The following SEC63 variants were observed in gnomAD, a reference collection of about 807,000 sequenced individuals.
SEC63 encodes the protein translocation protein SEC63 homolog.
In SEC63, 56 loss-of-function variants were observed where a neutral mutation model predicts 116.2. The observed-to-expected ratio is 0.48, with a 90% CI of 0.39 to 0.60. The LOEUF (loss-of-function observed/expected upper bound fraction) is 0.60, where lower values mean the gene tolerates loss of function less well. SEC63 is among the 20% of genes least tolerant of loss of function. The pLI is 0.00. For synonymous variants in SEC63, 273 were observed against 294.6 expected, an observed-to-expected ratio of 0.93 and a Z score of 0.75; for missense variants, 668 against 900.0, an observed-to-expected ratio of 0.74 and a Z score of 3.30.
rs1268226819 is a variant in SEC63 at position 107,869,661 on chromosome 6, GT to G, written c.*2042del. The G allele has an allele frequency of 2.0e-5, 3 of 152,048 alleles. No homozygotes were observed. Among genetic ancestry groups the G allele is most frequent in the Non-Finnish European group, 2.9e-5 (2 of 68,018 alleles). 9.4% of individuals were successfully genotyped at this position (152,048 alleles called of 1,614,324 possible). On this transcript the variant is annotated 3_prime_UTR_variant, in exon 21 of 21. Coordinates refer to ENST00000369002, the MANE Select transcript of SEC63 (RefSeq NM_007214.5). ...TTTCACTACTGCCATATGGAAAGAGGTTACCTAAAGCACTCACTAGAGGAAA... is the reference window on the plus strand; with the variant it reads ...TTTCACTACTGCCATATGGAAAGAGGTACCTAAAGCACTCACTAGAGGAAA...
chr6:107,926,330 C>CTT (rs773560497), intron 2 of SEC63, among the ~76,000 whole-genome samples: 96 of 152,236 alleles, frequency 6.3e-4, no homozygotes, highest in Middle Eastern at 3.4e-3. Flanking sequence ...TTCTTATACC[C>CTT]TTTGTATGAC....
chr6:107,889,302 T>C (rs940743129), intron 16 of SEC63, among the ~76,000 whole-genome samples: 1 of 152,196 alleles, frequency 6.6e-6, no homozygotes, highest in South Asian at 2.1e-4. Flanking sequence ...ATTCGACTTC[T>C]TAATGATTTA....
At chr6:107,910,281 C>T (rs370345764) in intron 7 of SEC63, among the ~76,000 whole-genome samples, 13 of 151,988 alleles carry the variant, frequency 8.6e-5, no homozygotes, top group Non-Finnish European at 1.6e-4. Context: ...GCCTGGGCAA[C>T]GTGGCAAGAC....
chr6:107,899,893 GCAACC>G (rs1410922699), intron 13 of SEC63, among the ~76,000 whole-genome samples: 2 of 152,048 alleles, frequency 1.3e-5, no homozygotes, highest in East Asian at 3.9e-4. Context: ...GCCCCACAAG[GCAACC>G]CCAACTCCTC....
chr6:107,893,378 T>C lies in SEC63; in HGVS notation c.1674+104A>G, dbSNP rs940096848. 3 of 1,099,508 alleles carry C rather than the reference T, an allele frequency of 2.7e-6. No homozygotes were observed. In the African/African-American group the frequency reaches 4.7e-5, roughly 17 times the overall value. The allele number at this position is 1,099,508 out of a possible 1,614,324, so 68.1% of individuals were successfully genotyped here. Reference sequence around the variant, plus strand: ...AGGGAGCTTTCTAGGGTATCACGGGTGCATAAATTATGTAAAACTTTTGAA... The same window carrying C: ...AGGGAGCTTTCTAGGGTATCACGGGCGCATAAATTATGTAAAACTTTTGAA... On this transcript the variant is annotated intron_variant, in intron 16 of 20. Transcript: ENST00000369002.
At chr6:107,941,284 A>G (rs1163128715) in intron 1 of SEC63, among the ~76,000 whole-genome samples, 1 of 152,108 alleles carries the variant, frequency 6.6e-6, no homozygotes, top group Non-Finnish European at 1.5e-5. Context: ...AGACCTCATC[A>G]CTACAAAAAA....
intron 1 of SEC63, among the ~76,000 whole-genome samples, chr6:107,953,913 C>T (rs1384475905): frequency 3.3e-5 from 5 of 151,960 alleles, no homozygotes; most frequent in African/African-American, 1.2e-4. Flanking sequence ...TCAGCCGCCC[C>T]TACTGGGACG....
intron 4 of SEC63, among the ~76,000 whole-genome samples, chr6:107,915,696 G>A (rs1212251563): frequency 6.6e-6 from 1 of 152,026 alleles, no homozygotes; most frequent in Non-Finnish European, 1.5e-5. Flanking sequence ...AGAGAAAAAT[G>A]ATCTCAAATA....
intron 16 of SEC63, among the ~76,000 whole-genome samples, chr6:107,884,389 A>G (rs1173607978): frequency 1.3e-5 from 2 of 152,102 alleles, no homozygotes; most frequent in South Asian, 2.1e-4. Context: ...AAAAATTACC[A>G]ATATTAGGAA....
intron 4 of SEC63, among the ~76,000 whole-genome samples, chr6:107,915,364 A>G (rs1787375178): frequency 6.6e-6 from 1 of 152,166 alleles, no homozygotes; most frequent in Non-Finnish European, 1.5e-5. Context: ...CCAGATCATA[A>G]ATCTTGATCT....
At chr6:107,891,032 TG>T (rs1451749202) in intron 16 of SEC63, among the ~76,000 whole-genome samples, 1 of 152,226 alleles carries the variant, frequency 6.6e-6, no homozygotes, top group African/African-American at 2.4e-5. Flanking sequence ...TTGGTGAATC[TG>T]ACGGTTATGT....
Position 107,953,842 on chromosome 6 carries a change from T to TG in SEC63, c.124+4043dup, listed in dbSNP as rs1226345428. Reference sequence around the variant, plus strand: ...CCAGCCGCCCCGTCCGGGAGGGAGGTGGGGGGGTCAGCCCCCCGCCCGGCC... The same window carrying TG: ...CCAGCCGCCCCGTCCGGGAGGGAGGTGGGGGGGGTCAGCCCCCCGCCCGGCC... On this transcript the variant is annotated intron_variant, in intron 1 of 20. Coordinates refer to ENST00000369002, the MANE Select transcript of SEC63 (RefSeq NM_007214.5). Among the ~76,000 whole-genome samples the TG allele has an allele frequency of 2.5e-3, 298 of 118,768 alleles. 2 individuals carry two copies. The highest frequency in any genetic ancestry group is 1.0e-2 in the African/African-American group (273 of 27,406). 77.9% of individuals were successfully genotyped at this position (118,768 alleles called of 152,430 possible).
intron 18 of SEC63, 40 bp downstream of exon 18, chr6:107,881,109 T>C (rs756606612): frequency 7.3e-7 from 1 of 1,370,756 alleles, no homozygotes; most frequent in East Asian, 2.3e-5. Context: ...GAGGAGAAAG[T>C]GAATGGAATA....
rs1786066506 is a variant in SEC63, at chr6:107,869,193, CTAACT to C, written c.*2506_*2510del. On this transcript the variant is annotated 3_prime_UTR_variant, in exon 21 of 21. Coordinates refer to ENST00000369002, the MANE Select transcript of SEC63 (RefSeq NM_007214.5). ...CAGAGAACTTCACTCAATGTGCTCC[CTAACT>C]TAAAAAAAAAATTATGAAAAATGTT... The C allele has an allele frequency of 6.6e-6, 1 of 150,768 alleles. No homozygotes were observed. Among genetic ancestry groups the C allele is most frequent in the South Asian group, 2.1e-4 (1 of 4,802 alleles). The allele number at this position is 150,768 out of a possible 1,614,324, so 9.3% of individuals were successfully genotyped here.
chr6:107,919,424 G>T (rs531045623), intron 4 of SEC63, among the ~76,000 whole-genome samples: 28 of 152,338 alleles, frequency 1.8e-4, no homozygotes, highest in Admixed American at 5.9e-4. Flanking sequence ...TATTCCTGAT[G>T]AAGATGCTGT....
At chr6:107,883,336 A>G (rs556089966) in intron 16 of SEC63, 190 bp from the exon 17 acceptor site, 34 of 611,600 alleles carry the variant, frequency 5.6e-5, no homozygotes, top group African/African-American at 5.5e-4. Flanking sequence ...AAAGAGTTTA[A>G]TATCTGGCTA....
chr6:107,884,931 A>G (rs1042769334), intron 16 of SEC63, among the ~76,000 whole-genome samples: 7 of 2,906 alleles, frequency 2.4e-3, no homozygotes, highest in Non-Finnish European at 4.1e-3. Context: ...AAAAAGTGGA[A>G]AAAAAAAAAA....
At chr6:107,955,138 C>CT (rs1323581724) in intron 1 of SEC63, among the ~76,000 whole-genome samples, 1 of 152,174 alleles carries the variant, frequency 6.6e-6, no homozygotes, top group African/African-American at 2.4e-5. Flanking sequence ...AGGAAAATTA[C>CT]TTACATGCTC....
intron 1 of SEC63, among the ~76,000 whole-genome samples, chr6:107,943,648 T>C (rs1583776315): frequency 6.6e-6 from 1 of 152,196 alleles, no homozygotes; most frequent in African/African-American, 2.4e-5. Flanking sequence ...GAAGATGGCA[T>C]CTGAGCAAAG....
Sources: allele counts gnomAD v4.1 joint callset (sites outside exome capture counted in the v4.1 genomes callset), GRCh38; gene constraint gnomAD v4.1.1; transcripts MANE v1.5; gene names NCBI Gene and HGNC (gene_info 2026-07-23, HGNC 2026-07-21).